The following DGKI variants were observed in gnomAD, a reference collection of about 807,000 sequenced individuals.
DGKI encodes the protein diacylglycerol kinase iota.
DGKI carries 55 observed loss-of-function variants against 147.5 expected under a neutral mutation model. The observed-to-expected ratio is 0.37, with a 90% CI of 0.30 to 0.47. DGKI has a LOEUF of 0.47. Among genes scored for constraint, DGKI ranks in the 20% least tolerant of loss-of-function variants. DGKI has a pLI of 1.00. For synonymous variants in DGKI, 469 were observed against 477.1 expected (o/e 0.98, Z 0.22); for missense variants, 1,007 against 1,323.8 (o/e 0.76, Z 3.71).
Position 137,626,858 on chromosome 7 carries a change from C to T in DGKI, c.805-3304G>A, listed in dbSNP as rs377581641. On this transcript the variant is annotated intron_variant, in intron 6 of 32. Coordinates refer to ENST00000614521, the MANE Select transcript of DGKI (RefSeq NM_001321708.2). ...TCACTCTATCCTGGGCACTGCCACCCGGTGAAATGATGCTTTCTAAGTTTC... is the reference window on the plus strand; with the variant it reads ...TCACTCTATCCTGGGCACTGCCACCTGGTGAAATGATGCTTTCTAAGTTTC... Among the ~76,000 whole-genome samples, 298 of 152,254 alleles carry T rather than the reference C, an allele frequency of 2.0e-3. 3 individuals are homozygous for T. The highest frequency in any genetic ancestry group is 0.011 in the South Asian group (55 of 4,824).
intron 3 of DGKI, among the ~76,000 whole-genome samples, chr7:137,671,937 C>CA (rs1822855259): frequency 1.3e-5 from 2 of 152,230 alleles, no homozygotes; most frequent in Admixed American, 1.3e-4. Context: ...AGCTGGTCCA[C>CA]AAAAAGAGGG....
chr7:137,655,790 T>C (rs754294725), intron 4 of DGKI, among the ~76,000 whole-genome samples: 2 of 152,136 alleles, frequency 1.3e-5, no homozygotes, highest in African/African-American at 4.8e-5. Context: ...CTCAAGAACA[T>C]AGATAATACA....
intron 1 of DGKI, among the ~76,000 whole-genome samples, chr7:137,741,845 T>C (rs971868550): frequency 2.0e-5 from 3 of 152,202 alleles, no homozygotes; most frequent in African/African-American, 4.8e-5. Flanking sequence ...TATCATCTCT[T>C]GATTCTAGCA....
chr7:137,442,334 C>CT (rs1440249645), intron 28 of DGKI, among the ~76,000 whole-genome samples: 1 of 152,190 alleles, frequency 6.6e-6, no homozygotes, highest in Non-Finnish European at 1.5e-5. Flanking sequence ...CATATGCCCC[C>CT]TATTATTTCA....
At chr7:137,643,235 G>A (rs1034841497) in intron 6 of DGKI, among the ~76,000 whole-genome samples, 8 of 138,248 alleles carry the variant, frequency 5.8e-5, no homozygotes, top group Non-Finnish European at 1.2e-4. Flanking sequence ...AGCTTGCAGT[G>A]AGTGGAGATC....
intron 1 of DGKI, among the ~76,000 whole-genome samples, chr7:137,732,006 A>G (rs1194318655): frequency 6.6e-6 from 1 of 152,100 alleles, no homozygotes; most frequent in South Asian, 2.1e-4. Flanking sequence ...AAAAGTTTCC[A>G]CCTTCCAATA....
intron 21 of DGKI, among the ~76,000 whole-genome samples, chr7:137,492,744 G>A (rs1262140184): frequency 6.6e-6 from 1 of 152,180 alleles, no homozygotes; most frequent in Non-Finnish European, 1.5e-5. Flanking sequence ...GGAAACTTTA[G>A]CCTTAGGCAA....
At chr7:137,494,553 T>C (rs1297565739) in intron 21 of DGKI, among the ~76,000 whole-genome samples, 1 of 152,198 alleles carries the variant, frequency 6.6e-6, no homozygotes, top group Non-Finnish European at 1.5e-5. Flanking sequence ...AAACCAAGAA[T>C]TCTATATTTA....
chr7:137,423,505 C>T (rs907494537), intron 28 of DGKI, among the ~76,000 whole-genome samples: 9 of 152,176 alleles, frequency 5.9e-5, no homozygotes, highest in Non-Finnish European at 5.9e-5. Context: ...AACATCAAGA[C>T]TGTTTGGAAA....
intron 1 of DGKI, among the ~76,000 whole-genome samples, chr7:137,766,276 A>G (rs1450359729): frequency 1.3e-5 from 2 of 152,252 alleles, no homozygotes; most frequent in East Asian, 1.9e-4. Flanking sequence ...AATATTTCCA[A>G]TGGTGATCTA....
chr7:137,448,566 AG>A (rs1813806283), intron 27 of DGKI, among the ~76,000 whole-genome samples: 1 of 100,588 alleles, frequency 9.9e-6, no homozygotes, highest in Non-Finnish European at 2.0e-5. Context: ...AGGGAGGGAG[AG>A]AAGGAGGAGG....
chr7:137,708,760 T>C (rs1382843013), intron 1 of DGKI, among the ~76,000 whole-genome samples: 1 of 152,130 alleles, frequency 6.6e-6, no homozygotes, highest in Non-Finnish European at 1.5e-5. Context: ...CTAATAGATA[T>C]AGATCTGCTA....
rs373569343 is a variant in DGKI at position 137,572,731 on chromosome 7, G to C, written c.1835+34C>G. 10 of 1,473,250 alleles carry C rather than the reference G, an allele frequency of 6.8e-6. No individual in the cohort carries two copies. In the South Asian group the frequency reaches 1.2e-4, roughly 18 times the overall value. The allele number at this position is 1,473,250 out of a possible 1,614,324, so 91.3% of individuals were successfully genotyped here. A position where few individuals can be genotyped will look rare whatever the true frequency, so the allele number is the denominator to read the frequency against. The stretch of plus-strand genomic sequence containing the variant: ...CAGATAACCTCAAGTCAGAGTTCAC[G>C]TCAAACCAAGGAAACAATACAAACA... On this transcript the variant is annotated intron_variant, in intron 18 of 32. Coordinates refer to ENST00000614521, the MANE Select transcript of DGKI (RefSeq NM_001321708.2).
At chr7:137,658,011 C>T (rs900102137) in intron 3 of DGKI, among the ~76,000 whole-genome samples, 2 of 152,178 alleles carry the variant, frequency 1.3e-5, no homozygotes, top group Admixed American at 1.3e-4. Context: ...CTTGCAGATG[C>T]TTTTATCACT....
Position 137,384,691 on chromosome 7 carries a change from C to T in DGKI, c.*6529G>A, listed in dbSNP as rs905965988. On this transcript the variant is annotated 3_prime_UTR_variant, in exon 33 of 33. Transcript: ENST00000614521. ...TCAAACATGTCAATACATCATAACG[C>T]TAAAGCACTTTTTAATTCTTGAAAC... The T allele has an allele frequency of 2.0e-5, 3 of 152,008 alleles. No individual in the cohort carries two copies. Among genetic ancestry groups the T allele is most frequent in the African/African-American group, 7.2e-5 (3 of 41,406 alleles). 9.4% of individuals were successfully genotyped at this position (152,008 alleles called of 1,614,324 possible).
At position 137,581,925 on chromosome 7, in the gene DGKI, G is replaced by A; in HGVS notation, c.1567C>T (p.Pro523Ser). 6.2e-7 allele frequency: 1 copy of A among 1,612,904 alleles called. No homozygotes were observed. Among genetic ancestry groups the A allele is most frequent in the Admixed American group, 1.7e-5 (1 of 59,978 alleles). The change falls in exon 15 of 33, where the codon CCT becomes TCT. Residue 523 changes from proline to serine, a missense_variant. Transcript: ENST00000614521. The stretch of plus-strand genomic sequence containing the variant: ...AAGTAGTTATTGAAAACATTCAGAG[G>A]GAGCTGCAATGATAAACAAAGACAG... ...EELEDGVCKL[P>S]LNVFNNYFSL...
chr7:137,612,743 T>G (rs1820408289), intron 8 of DGKI, among the ~76,000 whole-genome samples: 1 of 152,144 alleles, frequency 6.6e-6, no homozygotes, highest in Non-Finnish European at 1.5e-5. Flanking sequence ...GCAAGAAACC[T>G]GTAACACTTG....
At position 137,381,975 on chromosome 7, in the gene DGKI, T is replaced by C. The variant is rs1811071812; in HGVS notation, c.*9245A>G. The C allele has an allele frequency of 6.6e-6, 1 of 152,012 alleles. No individual in the cohort carries two copies. Among genetic ancestry groups the C allele is most frequent in the Admixed American group, 6.6e-5 (1 of 15,248 alleles). The allele number at this position is 152,012 out of a possible 1,614,324, so 9.4% of individuals were successfully genotyped here. A position where few individuals can be genotyped will look rare whatever the true frequency, so the allele number is the denominator to read the frequency against. On this transcript the variant is annotated 3_prime_UTR_variant, in exon 33 of 33. Transcript: ENST00000614521. ...ATTAGAGTCTCAATCCAACCAATGA[T>C]GGGTGGGGAGAGTGGCGAATAAAAA... is the stretch of plus-strand genomic sequence containing the variant.
intron 31 of DGKI, among the ~76,000 whole-genome samples, chr7:137,396,410 C>T (rs946811876): frequency 8.5e-5 from 13 of 152,206 alleles, no homozygotes; most frequent in Admixed American, 7.2e-4. Context: ...CTGACAGGCT[C>T]TATAGGGAGG....
Sources: gnomAD v4.1 joint callset for allele counts (sites outside exome capture counted in the v4.1 genomes callset) on GRCh38, gnomAD v4.1.1 for gene constraint, MANE v1.5 for transcripts, NCBI Gene and HGNC (gene_info 2026-07-23, HGNC 2026-07-21) for gene names.